RASGEF1A: variants seen among roughly 807,000 people sequenced by gnomAD.
RASGEF1A encodes ras-GEF domain-containing family member 1A.
Under a neutral mutation model 56.4 loss-of-function variants are expected in RASGEF1A, and 18 were observed. The ratio of observed to expected loss-of-function variants is 0.32; its 90% confidence interval spans 0.22 to 0.47. The LOEUF (loss-of-function observed/expected upper bound fraction) is 0.47, where lower values mean the gene tolerates loss of function less well. Ranked by LOEUF, RASGEF1A falls within the 20% of genes least tolerant of loss-of-function variation. The pLI is 1.00. For missense variants in RASGEF1A, 422 were observed against 627.1 expected (o/e 0.67, Z 3.49); for synonymous variants, 245 against 242.6 (o/e 1.01, Z -0.09).
At chr10:43,258,631 A>G (rs927302109) in intron 1 of RASGEF1A, among the ~76,000 whole-genome samples, 2 of 152,206 alleles carry the variant, frequency 1.3e-5, no homozygotes, top group African/African-American at 4.8e-5. Context: ...CAGAGAGCCT[A>G]GCAGGCTTGG....
At chr10:43,242,340 C>G (rs1432573370) in intron 1 of RASGEF1A, among the ~76,000 whole-genome samples, 1 of 152,072 alleles carries the variant, frequency 6.6e-6, no homozygotes, top group African/African-American at 2.4e-5. Flanking sequence ...AAATATATAC[C>G]TAACAACAGA....
Position 43,200,192 on chromosome 10 carries a change from T to C in RASGEF1A, c.746A>G (p.Asp249Gly). The change falls in exon 6 of 13, where the codon GAC becomes GGC. Residue 249 changes from aspartate to glycine, a missense_variant. By Grantham distance (94) the Asp-to-Gly change is moderately conservative. Coordinates refer to ENST00000395810, the MANE Select transcript of RASGEF1A (RefSeq NM_145313.4). The stretch of plus-strand genomic sequence containing the variant: ...CCTTGGCCCACTTACCCTGTGGTTG[T>C]CCAAGGAGTCCATGTGGCTGACGAT... ...MQIVSHMDSL[D>G]NHRCRGDLTK... The C allele has an allele frequency of 3.1e-6, 5 of 1,601,404 alleles. No individual in the cohort carries two copies. The highest frequency in any genetic ancestry group is 4.3e-6 in the Non-Finnish European group (5 of 1,173,096).
rs576792840 is a variant in RASGEF1A at position 43,203,439 on chromosome 10, G to A, written c.199-19C>T. On this transcript the variant is annotated intron_variant, in intron 2 of 12. Coordinates refer to ENST00000395810, the MANE Select transcript of RASGEF1A (RefSeq NM_145313.4). ...ACGTCCTCTGAAGGCAGGAGACGGAGAGAGGGCGGAGGGAGGGTGAGGCAG... is the reference window on the plus strand; with the variant it reads ...ACGTCCTCTGAAGGCAGGAGACGGAAAGAGGGCGGAGGGAGGGTGAGGCAG... 26 of 1,516,970 alleles carry A rather than the reference G, an allele frequency of 1.7e-5. No homozygotes were observed. The East Asian group carries it at 4.9e-4, about 29-fold the overall frequency. 94.0% of individuals were successfully genotyped at this position (1,516,970 alleles called of 1,614,324 possible).
chr10:43,240,898 C>T (rs566449575), intron 1 of RASGEF1A, among the ~76,000 whole-genome samples: 105 of 152,240 alleles, frequency 6.9e-4, no homozygotes, highest in African/African-American at 2.4e-3. Context: ...TTATCAGGAA[C>T]CATGAAGGGC....
chr10:43,225,787 G>T (rs1217708202), intron 1 of RASGEF1A, among the ~76,000 whole-genome samples: 1 of 152,144 alleles, frequency 6.6e-6, no homozygotes, highest in East Asian at 1.9e-4. Context: ...CTGTTTTAAG[G>T]ACATCTGTTG....
At position 43,196,061 on chromosome 10, in the gene RASGEF1A, A is replaced by G. The variant is rs1839791801; in HGVS notation, c.*183T>C. The G allele has an allele frequency of 5.5e-6, 3 of 542,998 alleles. No homozygotes were observed. The highest frequency in any genetic ancestry group is 3.4e-5 in the Admixed American group (1 of 29,260). The allele number at this position is 542,998 out of a possible 1,614,324, so 33.6% of individuals were successfully genotyped here. On this transcript the variant is annotated 3_prime_UTR_variant, in exon 13 of 13. Coordinates refer to ENST00000395810, the MANE Select transcript of RASGEF1A (RefSeq NM_145313.4). This position sits in a 1 kb window ranked among gnomAD's most constrained non-coding sequence, Gnocchi z 4.6. ...AGGGCCCTGCCCTGTTATTTAAAAT[A>G]AACAAAAAAAACTTTGTAAGTGCCA...
At chr10:43,202,505 A>AG (rs1839916831) in intron 3 of RASGEF1A, among the ~76,000 whole-genome samples, 1 of 151,920 alleles carries the variant, frequency 6.6e-6, no homozygotes, top group African/African-American at 2.4e-5. Flanking sequence ...CCCCGGGGAG[A>AG]GGGGACTGTG....
chr10:43,228,116 C>T (rs1044585752), intron 1 of RASGEF1A, among the ~76,000 whole-genome samples: 2 of 152,194 alleles, frequency 1.3e-5, no homozygotes, highest in Non-Finnish European at 2.9e-5. Context: ...AGCCACGCCA[C>T]CTCGCTGGCC....
At chr10:43,222,103 G>A (rs1297018847) in intron 1 of RASGEF1A, among the ~76,000 whole-genome samples, 4 of 151,078 alleles carry the variant, frequency 2.6e-5, no homozygotes, top group African/African-American at 5.0e-5. Flanking sequence ...TATTGCTCCC[G>A]GGATCCCAAC....
intron 1 of RASGEF1A, among the ~76,000 whole-genome samples, chr10:43,238,068 T>C (rs1282928425): frequency 8.0e-6 from 1 of 125,722 alleles, no homozygotes; most frequent in Non-Finnish European, 1.6e-5. Flanking sequence ...GGATTAGCCA[T>C]CATAGATTGA....
chr10:43,234,545 G>A (rs769292148), intron 1 of RASGEF1A, among the ~76,000 whole-genome samples: 3 of 152,152 alleles, frequency 2.0e-5, no homozygotes, highest in Non-Finnish European at 2.9e-5. Context: ...TGAGGACCAC[G>A]CCGGTGCTAC....
intron 2 of RASGEF1A, among the ~76,000 whole-genome samples, chr10:43,204,773 C>T (rs988909573): frequency 6.6e-6 from 1 of 152,102 alleles, no homozygotes; most frequent in Non-Finnish European, 1.5e-5. Context: ...ACTGGGTGAC[C>T]GCCAAGGTGG....
intron 1 of RASGEF1A, among the ~76,000 whole-genome samples, chr10:43,237,733 C>A (rs1365139764): frequency 6.6e-6 from 1 of 152,124 alleles, no homozygotes; most frequent in African/African-American, 2.4e-5. Context: ...GCTCCGCTCT[C>A]CCCAAACTCA....
chr10:43,250,120 T>C (rs1242677528), intron 1 of RASGEF1A, among the ~76,000 whole-genome samples: 1 of 152,226 alleles, frequency 6.6e-6, no homozygotes, highest in African/African-American at 2.4e-5. Context: ...GTGAATGCCA[T>C]GCACCTGAAG....
chr10:43,242,107 C>T (rs1018385704), intron 1 of RASGEF1A, among the ~76,000 whole-genome samples: 10 of 152,086 alleles, frequency 6.6e-5, no homozygotes, highest in African/African-American at 2.4e-4. Flanking sequence ...CACTGCACTC[C>T]AGCCTAGACG....
rs377582367 is a variant in RASGEF1A, at chr10:43,196,478, G to A, written c.1419C>T (p.Leu473=). ...NHMEKDSWKT[L]RTTLLNRA The stretch of plus-strand genomic sequence containing the variant: ...CCATGTTCCTGACGCCCTCCTACCT[G>A]AGGGTCTTCCAGCTGTCTTTTTCCA... Residue 473 remains leucine, a splice_region_variant and synonymous_variant, in exon 12 of 13, where the codon CTC becomes CTT. Transcript: ENST00000395810. The surrounding 1 kb of genome is among the most constrained non-coding windows in gnomAD (Gnocchi z 4.6). 5 of 1,613,902 alleles carry A rather than the reference G, an allele frequency of 3.1e-6. No individual in the cohort carries two copies. The highest frequency in any genetic ancestry group is 2.2e-5 in the South Asian group (2 of 91,070).
intron 1 of RASGEF1A, among the ~76,000 whole-genome samples, chr10:43,266,321 T>A (rs1043163966): frequency 2.0e-5 from 3 of 152,176 alleles, no homozygotes; most frequent in Admixed American, 1.3e-4. Flanking sequence ...GGCATGGCCC[T>A]GGACCTCTCC....
chr10:43,196,491 CTG>C lies in RASGEF1A; in HGVS notation c.1404_1405del (p.Asp468GlufsTer34). On this transcript the variant is annotated frameshift_variant, in exon 12 of 13. Coordinates refer to ENST00000395810, the MANE Select transcript of RASGEF1A (RefSeq NM_145313.4). LOFTEE classifies it high-confidence loss of function. The surrounding 1 kb of genome is among the most constrained non-coding windows in gnomAD (Gnocchi z 4.6). The stretch of plus-strand genomic sequence containing the variant: ...GCCCTCCTACCTGAGGGTCTTCCAG[CTG>C]TCTTTTTCCATGTGGTTCTCGGGAC... 6.2e-7 allele frequency: 1 copy of C among 1,614,062 alleles called. No individual in the cohort carries two copies. Among genetic ancestry groups the C allele is most frequent in the South Asian group, 1.1e-5 (1 of 91,082 alleles).
chr10:43,249,650 CA>C (rs1473937167), intron 1 of RASGEF1A, among the ~76,000 whole-genome samples: 1 of 152,244 alleles, frequency 6.6e-6, no homozygotes, highest in African/African-American at 2.4e-5. Flanking sequence ...CTCGGGCCAG[CA>C]AGGCATCCTG....
Sources: allele counts gnomAD v4.1 joint callset (sites outside exome capture counted in the v4.1 genomes callset), GRCh38; gene constraint gnomAD v4.1.1; non-coding constraint Gnocchi (gnomAD v3.1); transcripts MANE v1.5; gene names NCBI Gene and HGNC (gene_info 2026-07-23, HGNC 2026-07-21).